ROBO1: variants seen among roughly 807,000 people sequenced by gnomAD.
ROBO1 encodes roundabout homolog 1.
In ROBO1, 149 loss-of-function variants were observed where a neutral mutation model predicts 195.9. The ratio of observed to expected loss-of-function variants is 0.76; its 90% CI spans 0.67 to 0.87. ROBO1 has a LOEUF of 0.87. Ranked by LOEUF, ROBO1 falls within the 40% of genes least tolerant of loss-of-function variation. The pLI is 0.00. For missense variants in ROBO1, 1,933 were observed against 2,068.3 expected (o/e 0.93, Z 1.27); for synonymous variants, 816 against 733.2 (o/e 1.11, Z -1.82).
intron 2 of ROBO1, among the ~76,000 whole-genome samples, chr3:79,472,500 A>T (rs1477549973): frequency 1.3e-5 from 2 of 152,180 alleles, no homozygotes; most frequent in African/African-American, 4.8e-5. Flanking sequence ...AAAAGTAGTC[A>T]TTGAACCAGA....
At chr3:78,724,321 A>T (rs927943500) in intron 5 of ROBO1, among the ~76,000 whole-genome samples, 3 of 152,040 alleles carry the variant, frequency 2.0e-5, no homozygotes, top group African/African-American at 4.8e-5. Context: ...GAAAAACAAC[A>T]TAGTACTATG....
chr3:79,198,544 C>A (rs2081690333), intron 2 of ROBO1, among the ~76,000 whole-genome samples: 1 of 151,822 alleles, frequency 6.6e-6, no homozygotes, highest in Non-Finnish European at 1.5e-5. Context: ...TCCACATGAA[C>A]TTTAAAGTAG....
chr3:78,674,501 G>C (rs1708274875), intron 10 of ROBO1, among the ~76,000 whole-genome samples: 1 of 152,118 alleles, frequency 6.6e-6, no homozygotes, highest in Non-Finnish European at 1.5e-5. Context: ...ATATCAATAA[G>C]CTCCAAAATA....
chr3:78,830,428 G>C (rs1423843665), intron 4 of ROBO1, among the ~76,000 whole-genome samples: 1 of 152,142 alleles, frequency 6.6e-6, no homozygotes, highest in Non-Finnish European at 1.5e-5. Context: ...ACCCAAGACT[G>C]GTAATTTGTA....
At chr3:79,407,781 T>G (rs138199333) in intron 2 of ROBO1, among the ~76,000 whole-genome samples, 2 of 152,126 alleles carry the variant, frequency 1.3e-5, no homozygotes, top group African/African-American at 4.8e-5. Flanking sequence ...GTTAAATTAT[T>G]ATATACTTTA....
At chr3:79,061,406 C>A (rs905902383) in intron 3 of ROBO1, among the ~76,000 whole-genome samples, 7 of 152,048 alleles carry the variant, frequency 4.6e-5, no homozygotes, top group African/African-American at 1.7e-4. Flanking sequence ...GAATCAATAT[C>A]ATGAAAATGG....
intron 4 of ROBO1, among the ~76,000 whole-genome samples, chr3:78,932,217 T>A (rs1054074242): frequency 1.1e-4 from 17 of 152,168 alleles, no homozygotes; most frequent in African/African-American, 3.9e-4. Flanking sequence ...CAGATGCACC[T>A]TCTCATTTTA....
At chr3:78,932,944 T>C (rs1017203386) in intron 4 of ROBO1, among the ~76,000 whole-genome samples, 4 of 152,114 alleles carry the variant, frequency 2.6e-5, no homozygotes, top group African/African-American at 9.6e-5. Flanking sequence ...TGACCTGTGA[T>C]GGATAATAAA....
chr3:78,767,504 G>A (rs918655503), intron 4 of ROBO1, among the ~76,000 whole-genome samples: 7 of 150,660 alleles, frequency 4.6e-5, no homozygotes, highest in Admixed American at 1.3e-4. Context: ...GGCCTCAAGC[G>A]ACTCACCTGC....
At chr3:79,490,785 T>C (rs1169690855) in intron 2 of ROBO1, among the ~76,000 whole-genome samples, 1 of 152,190 alleles carries the variant, frequency 6.6e-6, no homozygotes, top group African/African-American at 2.4e-5. Context: ...CATATTTGCA[T>C]TCCTAGCTGA....
At chr3:79,025,973 C>T (rs374183992) in intron 3 of ROBO1, among the ~76,000 whole-genome samples, 9 of 152,094 alleles carry the variant, frequency 5.9e-5, no homozygotes, top group Non-Finnish European at 1.0e-4. Flanking sequence ...TTCTTGATCA[C>T]GATTCTCTAC....
rs188952746 is a variant in ROBO1 at position 78,977,495 on chromosome 3, A to C, written c.173-38568T>G. Among the ~76,000 whole-genome samples the C allele has an allele frequency of 3.3e-3, 495 of 152,026 alleles. 3 individuals carry two copies. The highest frequency in any genetic ancestry group is 0.011 in the African/African-American group (470 of 41,526). On this transcript the variant is annotated intron_variant, in intron 3 of 30. Transcript: ENST00000464233. Reference sequence around the variant, plus strand: ...TAGAATATTTATTTTCTTCTCTCAAACAGCAATGTAACCTCCTTAAGAACA... The same window carrying C: ...TAGAATATTTATTTTCTTCTCTCAACCAGCAATGTAACCTCCTTAAGAACA...
At chr3:79,199,730 G>A (rs1373417948) in intron 2 of ROBO1, among the ~76,000 whole-genome samples, 1 of 151,176 alleles carries the variant, frequency 6.6e-6, no homozygotes. Context: ...TTTTTAGGAT[G>A]GGACACATTT....
chr3:79,000,213 G>T (rs747763231), intron 3 of ROBO1, among the ~76,000 whole-genome samples: 6 of 152,130 alleles, frequency 3.9e-5, no homozygotes, highest in Admixed American at 1.3e-4. Flanking sequence ...GCAAGGAGAA[G>T]TGCACAGCAA....
At position 78,722,048 on chromosome 3, in the gene ROBO1, T is replaced by C. The variant is rs186716804; in HGVS notation, c.658-4165A>G. Among the ~76,000 whole-genome samples, 91 of 152,194 alleles carry C rather than the reference T, an allele frequency of 6.0e-4. No individual in the cohort carries two copies. The East Asian group carries it at 0.01, about 17-fold the overall frequency. ...AAATTCAAAGACAGCTATAAAGGCC[T>C]AAGGAATTTGTAGTATACACCCTAT... On this transcript the variant is annotated intron_variant, in intron 5 of 30. Transcript: ENST00000464233.
At chr3:79,716,385 T>C (rs1233926753) in intron 1 of ROBO1, among the ~76,000 whole-genome samples, 4 of 152,014 alleles carry the variant, frequency 2.6e-5, no homozygotes, top group African/African-American at 9.7e-5. Flanking sequence ...ATAGATATAA[T>C]GAACAGTACA....
Position 78,639,891 on chromosome 3 carries a change from G to T in ROBO1, c.2890C>A (p.Leu964Ile). ...EAVSSGGRPGLLNISEPAAQP... is the reference protein window; with the variant it reads ...EAVSSGGRPGILNISEPAAQP... ...GCGGCAGGTTCACTGATGTTGAGAA[G>T]TCCAGGCCTAAATAAAAAAAAAATA... Residue 964 changes from leucine (L) to isoleucine (I), a missense_variant, in exon 22 of 31, where the codon CTT becomes ATT. Coordinates refer to ENST00000464233, the MANE Select transcript of ROBO1 (RefSeq NM_002941.4). The T allele has an allele frequency of 6.3e-7, 1 of 1,579,330 alleles. No individual in the cohort carries two copies. The highest frequency in any genetic ancestry group is 2.3e-5 in the East Asian group (1 of 43,898).
At chr3:79,266,955 C>G (rs1019094244) in intron 2 of ROBO1, among the ~76,000 whole-genome samples, 1 of 151,488 alleles carries the variant, frequency 6.6e-6, no homozygotes, top group African/African-American at 2.4e-5. Flanking sequence ...CTCCCATTAT[C>G]CTCCGTTCAC....
rs55894934 is a variant in ROBO1 at position 78,636,935 on chromosome 3, T to TTATATATATATA, written c.3038-839_3038-828dup. 8.3e-3 allele frequency among the ~76,000 whole-genome samples: 797 copies of TTATATATATATA among 96,584 alleles called. 27 individuals carry two copies. Among genetic ancestry groups the TTATATATATATA allele is most frequent in the Non-Finnish European group, 0.011 (539 of 48,076 alleles). The allele number at this position is 96,584 out of a possible 152,430, so 63.4% of individuals were successfully genotyped here. Reference sequence around the variant, plus strand: ...TACATACATAATATATACATTCATTTTATATATATATATATATATATATAT... The same window carrying TTATATATATATA: ...TACATACATAATATATACATTCATTTTATATATATATATATATATATATATATATATATATAT... On this transcript the variant is annotated intron_variant, in intron 22 of 30. Transcript: ENST00000464233.
Sources: gnomAD v4.1 joint callset for allele counts (sites outside exome capture counted in the v4.1 genomes callset) on GRCh38, gnomAD v4.1.1 for gene constraint, MANE v1.5 for transcripts, NCBI Gene and HGNC (gene_info 2026-07-23, HGNC 2026-07-21) for gene names.